STK16: variants seen among roughly 807,000 people sequenced by gnomAD.
STK16 encodes the protein serine/threonine-protein kinase 16.
Under a neutral mutation model 37.8 loss-of-function variants are expected in STK16, and 28 were observed. That is an observed-to-expected ratio of 0.74 (90% CI 0.55 to 1.02). The LOEUF (loss-of-function observed/expected upper bound fraction) is 1.02. Among genes scored for constraint, STK16 ranks in the 50% least tolerant of loss-of-function variants. The pLI is 0.00. For missense variants in STK16, 349 were observed against 390.6 expected, an observed-to-expected ratio of 0.89 and a Z score of 0.90; for synonymous variants, 134 against 155.0, an observed-to-expected ratio of 0.86 and a Z score of 1.01.
Position 219,249,524 on chromosome 2 carries a change from G to C in STK16, c.*965G>C, listed in dbSNP as rs1288401864. The C allele has an allele frequency of 6.6e-6, 1 of 152,354 alleles. No individual in the cohort carries two copies. Among genetic ancestry groups the C allele is most frequent in the Non-Finnish European group, 1.5e-5 (1 of 68,140 alleles). 9.4% of individuals were successfully genotyped at this position (152,354 alleles called of 1,614,324 possible). On this transcript the variant is annotated 3_prime_UTR_variant, in exon 8 of 8. Transcript: ENST00000396738. Reference sequence around the variant, plus strand: ...TCACCAGGGAGGAAAGGCAAGGGCAGGGTTGGCATCTCCTGCTCTTTTGTG... The same window carrying C: ...TCACCAGGGAGGAAAGGCAAGGGCACGGTTGGCATCTCCTGCTCTTTTGTG...
Position 219,245,940 on chromosome 2 carries a change from CACCCTGG to C in STK16, c.-57_-51del. On this transcript the variant is annotated 5_prime_UTR_variant, in exon 2 of 8. The change creates a premature stop within an existing upstream ORF in the 5' untranslated region. Transcript: ENST00000396738. Reference sequence around the variant, plus strand: ...AGCGCATCTCCTGGAAGAGCCCACTCACCCTGGACGAGCTCTTCGGTAGCCTCAGACC... The same window carrying C: ...AGCGCATCTCCTGGAAGAGCCCACTCACGAGCTCTTCGGTAGCCTCAGACC... 7.0e-7 allele frequency: 1 copy of C among 1,430,474 alleles called. No individual in the cohort carries two copies. Among genetic ancestry groups the C allele is most frequent in the African/African-American group, 1.4e-5 (1 of 70,450 alleles). The allele number at this position is 1,430,474 out of a possible 1,614,324, so 88.6% of individuals were successfully genotyped here.
rs1309090521 is a variant in STK16 at position 219,247,763 on chromosome 2, G to A, written c.657+6G>A. The A allele has an allele frequency of 1.9e-6, 3 of 1,565,906 alleles. No individual in the cohort carries two copies. The highest frequency in any genetic ancestry group is 2.3e-5 in the South Asian group (2 of 86,424). On this transcript the variant is annotated splice_donor_region_variant and intron_variant, in intron 6 of 7. Transcript: ENST00000396738. ...ATGAGCGGACTGATGTCTGGGTGAG[G>A]AGCATGTGGGTGGGTATCTGGGTAG... is the stretch of plus-strand genomic sequence containing the variant.
intron 7 of STK16, 31 bp from the exon 8 acceptor site, chr2:219,248,390 A>C: frequency 6.2e-7 from 1 of 1,612,562 alleles, no homozygotes; most frequent in South Asian, 1.1e-5. Context: ...GATAGGTGTC[A>C]TCCGGTCACC....
At position 219,245,897 on chromosome 2, in the gene STK16, A is replaced by T; in HGVS notation, c.-103A>T. The T allele has an allele frequency of 1.1e-6, 1 of 881,204 alleles. No individual in the cohort carries two copies. The highest frequency in any genetic ancestry group is 3.4e-4 in the Middle Eastern group (1 of 2,978). The allele number at this position is 881,204 out of a possible 1,614,324, so 54.6% of individuals were successfully genotyped here. On this transcript the variant is annotated splice_region_variant and 5_prime_UTR_variant, in exon 2 of 8. The change abolishes an upstream ATG in the 5' untranslated region. Coordinates refer to ENST00000396738, the MANE Select transcript of STK16 (RefSeq NM_001330213.2). ...ACCCTGCCGTTGTTTTCTTTCCAGC[A>T]TGATCCGCTGGGCCCCCAGCGCATC...
rs1559270963 is a variant in STK16, at chr2:219,245,913, C to T, written c.-87C>T. ...CTTTCCAGCATGATCCGCTGGGCCC[C>T]CAGCGCATCTCCTGGAAGAGCCCAC... On this transcript the variant is annotated 5_prime_UTR_variant, in exon 2 of 8. Coordinates refer to ENST00000396738, the MANE Select transcript of STK16 (RefSeq NM_001330213.2). 2 of 1,079,872 alleles carry T rather than the reference C, an allele frequency of 1.9e-6. No individual in the cohort carries two copies. The highest frequency in any genetic ancestry group is 2.8e-6 in the Non-Finnish European group (2 of 721,314). 66.9% of individuals were successfully genotyped at this position (1,079,872 alleles called of 1,614,324 possible).
At position 219,247,772 on chromosome 2, in the gene STK16, G is replaced by C. The variant is rs1019221567; in HGVS notation, c.657+15G>C. The C allele has an allele frequency of 4.5e-6, 7 of 1,560,942 alleles. No individual in the cohort carries two copies. In the African/African-American group the frequency reaches 6.8e-5, roughly 15 times the overall value. On this transcript the variant is annotated intron_variant, in intron 6 of 7. Coordinates refer to ENST00000396738, the MANE Select transcript of STK16 (RefSeq NM_001330213.2). The stretch of plus-strand genomic sequence containing the variant: ...CTGATGTCTGGGTGAGGAGCATGTG[G>C]GTGGGTATCTGGGTAGGGAGGGCTG...
rs1158198311 is a variant in STK16, at chr2:219,249,555, A to G, written c.*996A>G. On this transcript the variant is annotated 3_prime_UTR_variant, in exon 8 of 8. Coordinates refer to ENST00000396738, the MANE Select transcript of STK16 (RefSeq NM_001330213.2). ...GCATCTCCTGCTCTTTTGTGATCCA[A>G]GCCTCCTCCCCCGAACCATGTCTAC... 1.3e-5 allele frequency: 2 copies of G among 152,282 alleles called. No individual in the cohort carries two copies. Among genetic ancestry groups the G allele is most frequent in the Admixed American group, 6.5e-5 (1 of 15,272 alleles). The allele number at this position is 152,282 out of a possible 1,614,324, so 9.4% of individuals were successfully genotyped here.
In STK16 at chr2:219,247,662, G is replaced by A; in HGVS notation, c.562G>A (p.Asp188Asn). 6.2e-7 allele frequency: 1 copy of A among 1,612,070 alleles called. No individual in the cohort carries two copies. Among genetic ancestry groups the A allele is most frequent in the Non-Finnish European group, 8.5e-7 (1 of 1,178,470 alleles). ...TTGAGCTCTGGGATCACTGTTCCAG[G>A]ACTGGGCAGCCCAGCGGTGCACCAT... ...EGSRQALTLQ[D>N]WAAQRCTISY... The change falls in exon 6 of 8, where the codon GAC becomes AAC. Residue 188 changes from aspartate (D) to asparagine (N), a missense_variant and splice_region_variant. Physicochemically the swap from Asp to Asn is conservative, Grantham distance 23 (BLOSUM62 1). Transcript: ENST00000396738.
Position 219,246,835 on chromosome 2 carries a change from G to C in STK16, c.265G>C (p.Gly89Arg), listed in dbSNP as rs1489272239. The C allele has an allele frequency of 6.2e-7, 1 of 1,613,778 alleles. No homozygotes were observed. Among genetic ancestry groups the C allele is most frequent in the African/African-American group, 1.3e-5 (1 of 74,924 alleles). Residue 89 changes from glycine to arginine, a missense_variant, in exon 3 of 8, where the codon GGT becomes CGT. Gly to Arg is a moderately radical substitution (Grantham distance 125). Coordinates refer to ENST00000396738, the MANE Select transcript of STK16 (RefSeq NM_001330213.2). This position sits in a 1 kb window ranked among gnomAD's most constrained non-coding sequence, Gnocchi z 4.5. ...RLVAYCLRER[G>R]AKHEAWLLLP... ...CGTGGCTTACTGTCTGAGGGAACGG[G>C]GTGCTAAGCATGAGGCCTGGCTGCT...
rs777505982 is a variant in STK16 at position 219,248,271 on chromosome 2, G to C, written c.736G>C (p.Ala246Pro). 6.2e-7 allele frequency: 1 copy of C among 1,614,178 alleles called. No individual in the cohort carries two copies. The highest frequency in any genetic ancestry group is 8.5e-7 in the Non-Finnish European group (1 of 1,180,036). ...GGTGTTCCAAAAGGGTGACAGTGTGGCCCTTGCTGTGCAGAACCAACTCAG... is the reference window on the plus strand; with the variant it reads ...GGTGTTCCAAAAGGGTGACAGTGTGCCCCTTGCTGTGCAGAACCAACTCAG... ...DMVFQKGDSV[A>P]LAVQNQLSIP... is the part of the protein sequence containing the mutation. The change falls in exon 7 of 8, where the codon GCC becomes CCC. Residue 246 changes from alanine to proline, a missense_variant. Physicochemically the swap from Ala to Pro is conservative, Grantham distance 27 (BLOSUM62 -1). Coordinates refer to ENST00000396738, the MANE Select transcript of STK16 (RefSeq NM_001330213.2).
chr2:219,247,938 G>T (rs772674909), intron 6 of STK16, 181 bp downstream of exon 6: 21 of 817,388 alleles, frequency 2.6e-5, no homozygotes, highest in Non-Finnish European at 3.7e-5. Context: ...ACCGGATGTG[G>T]TATAATCTGT....
chr2:219,246,802 C>T lies in STK16; in HGVS notation c.232C>T (p.Leu78Phe). ...MHRLFNHPNI[L>F]RLVAYCLRER... ...TCGCCTCTTCAATCACCCCAACATC[C>T]TTCGCCTCGTGGCTTACTGTCTGAG... Residue 78 changes from leucine (L) to phenylalanine (F), a missense_variant, in exon 3 of 8, where the codon CTT (leucine) becomes TTT (phenylalanine). Coordinates refer to ENST00000396738, the MANE Select transcript of STK16 (RefSeq NM_001330213.2). The surrounding 1 kb of genome is among the most constrained non-coding windows in gnomAD (Gnocchi z 4.5). The T allele has an allele frequency of 2.5e-6, 4 of 1,614,228 alleles. No homozygotes were observed. The highest frequency in any genetic ancestry group is 3.4e-6 in the Non-Finnish European group (4 of 1,180,046).
rs370469462 is a variant in STK16, at chr2:219,245,975, C to T, written c.-25C>T. On this transcript the variant is annotated 5_prime_UTR_variant, in exon 2 of 8. Coordinates refer to ENST00000396738, the MANE Select transcript of STK16 (RefSeq NM_001330213.2). ...GAGCTCTTCGGTAGCCTCAGACCGT[C>T]CTTGAAGAGGATGACTGAGACATTA... is the stretch of plus-strand genomic sequence containing the variant. 11 of 1,608,196 alleles carry T rather than the reference C, an allele frequency of 6.8e-6. No individual in the cohort carries two copies. In the African/African-American group the frequency reaches 1.2e-4, roughly 18 times the overall value.
chr2:219,247,961 G>A, intron 6 of STK16: 1 of 814,182 alleles, frequency 1.2e-6, no homozygotes, highest in Non-Finnish European at 2.1e-6. Flanking sequence ...CCCTGAACAA[G>A]GTGAGTACAG....
Position 219,247,435 on chromosome 2 carries a change from T to C in STK16, c.461T>C (p.Ile154Thr), listed in dbSNP as rs774410744. The change falls in exon 5 of 8, where the codon ATA becomes ACA. Residue 154 changes from isoleucine (I) to threonine (T), a missense_variant. Coordinates refer to ENST00000396738, the MANE Select transcript of STK16 (RefSeq NM_001330213.2). ...YAHRDLKPTN[I>T]LLGDEGQPVL... ...TACAGAGACTTGAAGCCCACCAATATATTGCTTGGAGATGAGGGGCAGCCA... is the reference window on the plus strand; with the variant it reads ...TACAGAGACTTGAAGCCCACCAATACATTGCTTGGAGATGAGGGGCAGCCA... 6.2e-7 allele frequency: 1 copy of C among 1,614,052 alleles called. No individual in the cohort carries two copies. Among genetic ancestry groups the C allele is most frequent in the African/African-American group, 1.3e-5 (1 of 74,914 alleles).
rs1419593768 is a variant in STK16 at position 219,245,991 on chromosome 2, T to A, written c.-9T>A. On this transcript the variant is annotated 5_prime_UTR_variant, in exon 2 of 8. Coordinates refer to ENST00000396738, the MANE Select transcript of STK16 (RefSeq NM_001330213.2). Reference sequence around the variant, plus strand: ...TCAGACCGTCCTTGAAGAGGATGACTGAGACATTATGGGCCACGCGCTGTG... The same window carrying A: ...TCAGACCGTCCTTGAAGAGGATGACAGAGACATTATGGGCCACGCGCTGTG... 4 of 1,612,032 alleles carry A rather than the reference T, an allele frequency of 2.5e-6. No homozygotes were observed. The highest frequency in any genetic ancestry group is 8.5e-7 in the Non-Finnish European group (1 of 1,178,948).
Position 219,247,666 on chromosome 2 carries a change from G to C in STK16, c.566G>C (p.Trp189Ser), listed in dbSNP as rs1559272896. Residue 189 changes from tryptophan to serine, a missense_variant, in exon 6 of 8, where the codon TGG (tryptophan) becomes TCG (serine). Coordinates refer to ENST00000396738, the MANE Select transcript of STK16 (RefSeq NM_001330213.2). Reference sequence around the variant, plus strand: ...GCTCTGGGATCACTGTTCCAGGACTGGGCAGCCCAGCGGTGCACCATCTCC... The same window carrying C: ...GCTCTGGGATCACTGTTCCAGGACTCGGCAGCCCAGCGGTGCACCATCTCC... ...GSRQALTLQD[W>S]AAQRCTISYR... is the part of the protein sequence containing the mutation. 2 of 1,611,692 alleles carry C rather than the reference G, an allele frequency of 1.2e-6. No homozygotes were observed. Among genetic ancestry groups the C allele is most frequent in the South Asian group, 2.2e-5 (2 of 90,988 alleles).
At chr2:219,247,087 C>T (rs1354688406) in intron 3 of STK16, 26 bp from the exon 4 acceptor site, 2 of 1,613,914 alleles carry the variant, frequency 1.2e-6, no homozygotes, top group Admixed American at 3.3e-5. Context: ...AAAACATCTC[C>T]AACTGTAGGG....
intron 7 of STK16, 31 bp downstream of exon 7, chr2:219,248,345 T>C (rs2125066931): frequency 6.2e-7 from 1 of 1,613,836 alleles, no homozygotes. Context: ...GCATCAAGTG[T>C]TTCAGACTCC....
Sources: allele counts gnomAD v4.1 joint callset, GRCh38; gene constraint gnomAD v4.1.1; non-coding constraint Gnocchi (gnomAD v3.1); transcripts MANE v1.5; gene names NCBI Gene and HGNC (gene_info 2026-07-23, HGNC 2026-07-21).